Variants in KAZN observed in about 807,000 individuals in gnomAD.
KAZN encodes kazrin.
KAZN carries 40 observed loss-of-function variants against 87.4 expected under a neutral mutation model. That is an observed-to-expected ratio of 0.46 (90% CI 0.36 to 0.60). KAZN has a LOEUF of 0.60. Ranked by LOEUF, KAZN falls within the 20% of genes least tolerant of loss-of-function variation. KAZN has a pLI of 0.00. For missense variants in KAZN, 898 were observed against 1,073.9 expected, an observed-to-expected ratio of 0.84 and a Z score of 2.29; for synonymous variants, 466 against 458.3, an observed-to-expected ratio of 1.02 and a Z score of -0.22.
intron 10 of KAZN, among the ~76,000 whole-genome samples, chr1:15,095,450 G>A (rs941450002): frequency 6.6e-6 from 1 of 152,166 alleles, no homozygotes; most frequent in Non-Finnish European, 1.5e-5. Context: ...TGGCTGCAGG[G>A]CCTTCTCATC....
chr1:14,599,185 C>T lies in KAZN; in HGVS notation c.188C>T (p.Ala63Val). 2.9e-6 allele frequency: 4 copies of T among 1,388,128 alleles called. No individual in the cohort carries two copies. Among genetic ancestry groups the T allele is most frequent in the Admixed American group, 3.4e-5 (1 of 29,422 alleles). The allele number at this position is 1,388,128 out of a possible 1,614,324, so 86.0% of individuals were successfully genotyped here. A position where few individuals can be genotyped will look rare whatever the true frequency, so the allele number is the denominator to read the frequency against. Reference protein sequence around the residue: ...AASASAAGDSAATNMENPQLG... With the variant: ...AASASAAGDSVATNMENPQLG... ...AGCGCCTCGGCGGCGGGGGACTCGG[C>T]GGCGACGAACATGGAGAACCCCCAG... is the stretch of plus-strand genomic sequence containing the variant. Residue 63 changes from alanine to valine, a missense_variant, in exon 1 of 15, where the codon GCG becomes GTG. Physicochemically the swap from Ala to Val is moderately conservative, Grantham distance 64. Transcript: ENST00000376030. This position sits in a 1 kb window ranked among gnomAD's most constrained non-coding sequence, Gnocchi z 4.4.
At chr1:15,044,331 C>T (rs1315242661) in intron 4 of KAZN, among the ~76,000 whole-genome samples, 172 bp downstream of exon 4, 2 of 152,192 alleles carry the variant, frequency 1.3e-5, no homozygotes, top group African/African-American at 4.8e-5. Context: ...TGCAATGCAT[C>T]ATAAGTTTCC....
At chr1:14,291,615 G>C (rs180702444) in intron 2 of KAZN, among the ~76,000 whole-genome samples, 8 of 152,274 alleles carry the variant, frequency 5.3e-5, no homozygotes, top group Non-Finnish European at 7.4e-5. Context: ...CTAGGAAAGG[G>C]AAATCCCTTG....
intron 1 of KAZN, among the ~76,000 whole-genome samples, chr1:14,036,538 C>T (rs190309972): frequency 2.9e-4 from 44 of 152,044 alleles, no homozygotes; most frequent in Non-Finnish European, 3.8e-4. Context: ...ATTGGCTTGT[C>T]CATGTAGCCC....
chr1:14,215,946 A>G (rs1646949105), intron 2 of KAZN, among the ~76,000 whole-genome samples: 1 of 152,210 alleles, frequency 6.6e-6, no homozygotes, highest in Non-Finnish European at 1.5e-5. Flanking sequence ...AAAACATACT[A>G]TATTTCAATT....
At chr1:14,481,681 C>CAA (rs547365234) in intron 2 of KAZN, among the ~76,000 whole-genome samples, 59 of 138,732 alleles carry the variant, frequency 4.3e-4, no homozygotes, top group East Asian at 1.8e-3. Context: ...ATTGTTTAGG[C>CAA]AAAAAAAAAA....
At chr1:14,156,853 G>T (rs1362846477) in intron 1 of KAZN, among the ~76,000 whole-genome samples, 1 of 149,144 alleles carries the variant, frequency 6.7e-6, no homozygotes, top group Admixed American at 6.7e-5. Context: ...TTATTGACAA[G>T]TAAGGATTTA....
chr1:14,604,002 T>G (rs1677167818), intron 1 of KAZN, among the ~76,000 whole-genome samples: 1 of 152,172 alleles, frequency 6.6e-6, no homozygotes, highest in Non-Finnish European at 1.5e-5. Flanking sequence ...GACAGTGAAA[T>G]CAACACGAAC....
intron 1 of KAZN, among the ~76,000 whole-genome samples, chr1:14,040,991 G>C (rs1172486487): frequency 1.3e-5 from 2 of 152,038 alleles, no homozygotes; most frequent in African/African-American, 4.8e-5. Flanking sequence ...CACATGTATA[G>C]TTTCAACATC....
intron 1 of KAZN, among the ~76,000 whole-genome samples, chr1:14,071,202 C>T (rs1000611642): frequency 2.6e-5 from 4 of 152,136 alleles, no homozygotes; most frequent in Non-Finnish European, 4.4e-5. Flanking sequence ...CTGCAGGTGT[C>T]ACTCTTGCCT....
intron 1 of KAZN, among the ~76,000 whole-genome samples, chr1:14,854,738 G>A (rs755625811): frequency 2.0e-5 from 3 of 152,004 alleles, no homozygotes; most frequent in Admixed American, 6.6e-5. Context: ...GTCTGCCACC[G>A]CACTGGGGAT....
chr1:14,944,494 G>A (rs1045516362), intron 1 of KAZN, among the ~76,000 whole-genome samples: 6 of 152,128 alleles, frequency 3.9e-5, no homozygotes, highest in Non-Finnish European at 8.8e-5. Flanking sequence ...GGTCTCTCTC[G>A]CCTTCGAATA....
At chr1:14,097,761 C>T (rs565992785) in intron 1 of KAZN, among the ~76,000 whole-genome samples, 10 of 152,274 alleles carry the variant, frequency 6.6e-5, no homozygotes, top group African/African-American at 2.4e-4. Flanking sequence ...CTCAGATATG[C>T]TTAACTTGAC....
At chr1:14,014,290 A>C (rs1640460921) in intron 1 of KAZN, among the ~76,000 whole-genome samples, 1 of 152,204 alleles carries the variant, frequency 6.6e-6, no homozygotes, top group African/African-American at 2.4e-5. Context: ...AGAAGCATCT[A>C]AGTCGCCTAG....
chr1:14,057,043 C>CAAA (rs527243643), intron 1 of KAZN, among the ~76,000 whole-genome samples: 50 of 91,686 alleles, frequency 5.5e-4, no homozygotes, highest in African/African-American at 1.3e-3. Context: ...GACCCTGTCT[C>CAAA]AAAAAAAAAA....
chr1:15,094,605 C>G lies in KAZN; in HGVS notation c.1429-210C>G, dbSNP rs1640718842. Among the ~76,000 whole-genome samples, 1 of 152,218 alleles carries G rather than the reference C, an allele frequency of 6.6e-6. No homozygotes were observed. ...CATCCTGACAATGGACCCAGGTTTC[C>G]TTTACCTGCCTAAGGGAAAGGGCTC... is the stretch of plus-strand genomic sequence containing the variant. On this transcript the variant is annotated intron_variant, in intron 9 of 14. Coordinates refer to ENST00000376030, the MANE Select transcript of KAZN (RefSeq NM_201628.3). The surrounding 1 kb of genome is among the most constrained non-coding windows in gnomAD (Gnocchi z 4.5).
rs574164269 is a variant in KAZN at position 14,097,234 on chromosome 1, T to A, written c.92-83201T>A. Reference sequence around the variant, plus strand: ...ACTAGTTGGGAGCCCATTGCCATAGTCCAGGGAACTTAGATAGGAAGCTAT... The same window carrying A: ...ACTAGTTGGGAGCCCATTGCCATAGACCAGGGAACTTAGATAGGAAGCTAT... On this transcript the variant is annotated intron_variant, in intron 1 of 16. Transcript: ENST00000636203. Among the ~76,000 whole-genome samples, 3 of 152,314 alleles carry A rather than the reference T, an allele frequency of 2.0e-5. No individual in the cohort carries two copies. The South Asian group carries it at 6.2e-4, about 32-fold the overall frequency.
At chr1:14,937,007 C>T (rs1022930475) in intron 1 of KAZN, among the ~76,000 whole-genome samples, 6 of 152,240 alleles carry the variant, frequency 3.9e-5, no homozygotes, top group Non-Finnish European at 2.9e-5. Context: ...CTTCCCACCC[C>T]GAACTAAGTC....
chr1:13,982,070 C>A (rs6668130), intron 1 of KAZN, among the ~76,000 whole-genome samples: 137,909 of 152,222 alleles, frequency 0.91, 62,777 homozygotes, highest in African/African-American at 0.96. Context: ...AATATTAGTA[C>A]CTGATTTATT....
Sources: gnomAD v4.1 joint callset for allele counts (sites outside exome capture counted in the v4.1 genomes callset) on GRCh38, gnomAD v4.1.1 for gene constraint, Gnocchi (gnomAD v3.1) non-coding constraint, MANE v1.5 for transcripts, NCBI Gene and HGNC (gene_info 2026-07-23, HGNC 2026-07-21) for gene names.